The following TMTC2 variants were observed in gnomAD, a reference collection of about 807,000 sequenced individuals.
TMTC2 encodes transmembrane O-mannosyltransferase targeting cadherins 2.
Under a neutral mutation model 82.4 loss-of-function variants are expected in TMTC2, and 43 were observed. The ratio of observed to expected loss-of-function variants is 0.52; its 90% CI spans 0.41 to 0.67. The LOEUF (loss-of-function observed/expected upper bound fraction) is 0.67. TMTC2 is among the 30% of genes least tolerant of loss of function. The pLI, the probability that TMTC2 is intolerant of heterozygous loss-of-function variation, is 0.00. For missense variants in TMTC2, 919 were observed against 1,012.4 expected (o/e 0.91, Z 1.25); for synonymous variants, 408 against 381.9 (o/e 1.07, Z -0.80).
intron 9 of TMTC2, among the ~76,000 whole-genome samples, chr12:83,044,922 T>G (rs1882033282): frequency 6.6e-6 from 1 of 152,246 alleles, no homozygotes; most frequent in African/African-American, 2.4e-5. Context: ...AAGCAGGATT[T>G]GAGCCTATGG....
chr12:82,905,561 A>T lies in TMTC2; in HGVS notation c.1483+8915A>T, dbSNP rs60555266. 5.4e-3 allele frequency among the ~76,000 whole-genome samples: 823 copies of T among 152,354 alleles called. 7 individuals carry two copies. The highest frequency in any genetic ancestry group is 0.019 in the African/African-American group (772 of 41,584). ...ATACAAAAGATATATGTAAAATTTCATACATATTTGGAACTTTCAAGGTGA... is the reference window on the plus strand; with the variant it reads ...ATACAAAAGATATATGTAAAATTTCTTACATATTTGGAACTTTCAAGGTGA... On this transcript the variant is annotated intron_variant, in intron 3 of 11. Transcript: ENST00000321196.
At chr12:82,935,782 G>A (rs974221479) in intron 4 of TMTC2, among the ~76,000 whole-genome samples, 2 of 152,080 alleles carry the variant, frequency 1.3e-5, no homozygotes, top group Non-Finnish European at 2.9e-5. Context: ...AATTATGTCT[G>A]TTGATGATAG....
intron 1 of TMTC2, among the ~76,000 whole-genome samples, chr12:82,744,121 T>A (rs1296737546): frequency 1.3e-5 from 2 of 152,084 alleles, no homozygotes; most frequent in Non-Finnish European, 2.9e-5. Context: ...CTCTAAAATA[T>A]ATATTTTTAA....
chr12:82,759,559 G>A (rs1476753439), intron 1 of TMTC2: 2 of 152,170 alleles, frequency 1.3e-5, no homozygotes, highest in Non-Finnish European at 2.9e-5. Flanking sequence ...CATAAGCACT[G>A]AGTTGTAGCT....
intron 1 of TMTC2, among the ~76,000 whole-genome samples, chr12:82,838,503 C>T (rs1428595457): frequency 6.6e-6 from 1 of 152,200 alleles, no homozygotes; most frequent in African/African-American, 2.4e-5. Flanking sequence ...TGTGCTAACA[C>T]TGCATCTGTT....
intron 9 of TMTC2, among the ~76,000 whole-genome samples, chr12:83,050,149 T>A (rs891359319): frequency 3.3e-5 from 5 of 152,196 alleles, no homozygotes; most frequent in African/African-American, 9.6e-5. Context: ...ATGTTTGTCA[T>A]CCTTTAATTT....
At chr12:82,799,552 A>T (rs1352694815) in intron 1 of TMTC2, among the ~76,000 whole-genome samples, 1 of 152,148 alleles carries the variant, frequency 6.6e-6, no homozygotes, top group Non-Finnish European at 1.5e-5. Flanking sequence ...TGGAGGCTAG[A>T]CATCTGAGAT....
chr12:82,986,302 A>G (rs111633748), intron 8 of TMTC2: 282 of 416,854 alleles, frequency 6.8e-4, no homozygotes, highest in African/African-American at 5.0e-3. Flanking sequence ...TGTATCTTAC[A>G]TCTTGGTCTA....
intron 1 of TMTC2, among the ~76,000 whole-genome samples, chr12:82,813,119 A>G (rs910273443): frequency 6.6e-6 from 1 of 152,036 alleles, no homozygotes; most frequent in African/African-American, 2.4e-5. Flanking sequence ...TTTCTTTTAA[A>G]ATGTGTGAAC....
At chr12:83,049,671 T>C (rs1297707224) in intron 9 of TMTC2, among the ~76,000 whole-genome samples, 1 of 152,338 alleles carries the variant, frequency 6.6e-6, no homozygotes, top group East Asian at 1.9e-4. Context: ...ATTTCGCGTA[T>C]GTACACAATA....
intron 1 of TMTC2, among the ~76,000 whole-genome samples, chr12:82,813,183 C>G (rs1228278106): frequency 2.0e-5 from 3 of 152,108 alleles, no homozygotes; most frequent in African/African-American, 7.2e-5. Context: ...TCTAGCATCT[C>G]TGGCAGATAC....
In TMTC2 at chr12:82,857,147, G is replaced by T. The variant is rs1302714426; in HGVS notation, c.221G>T (p.Arg74Leu). Reference sequence around the variant, plus strand: ...CGGCCACTCTGCACTCTTTCTTTTCGCCTGAACCATGCCATTGGAGGGTTG... The same window carrying T: ...CGGCCACTCTGCACTCTTTCTTTTCTCCTGAACCATGCCATTGGAGGGTTG... ...SYRPLCTLSF[R>L]LNHAIGGLNP... Residue 74 changes from arginine to leucine, a missense_variant, in exon 2 of 12, where the codon CGC becomes CTC. Physicochemically the swap from Arg to Leu is moderately radical, Grantham distance 102. Coordinates refer to ENST00000321196, the MANE Select transcript of TMTC2 (RefSeq NM_152588.3). 6.2e-7 allele frequency: 1 copy of T among 1,613,988 alleles called. No individual in the cohort carries two copies. Among genetic ancestry groups the T allele is most frequent in the Non-Finnish European group, 8.5e-7 (1 of 1,180,010 alleles).
chr12:82,771,460 G>T (rs558405308), intron 1 of TMTC2, among the ~76,000 whole-genome samples: 37 of 152,248 alleles, frequency 2.4e-4, no homozygotes, highest in African/African-American at 8.7e-4. Context: ...TCAGCAGGAA[G>T]TAGATAATGC....
intron 10 of TMTC2, among the ~76,000 whole-genome samples, chr12:83,057,332 T>C (rs1180401888): frequency 6.6e-6 from 1 of 151,946 alleles, no homozygotes; most frequent in Non-Finnish European, 1.5e-5. Flanking sequence ...TTCTTCTTAT[T>C]GCTACACTTT....
At chr12:82,943,291 A>C (rs1876822032) in intron 4 of TMTC2, among the ~76,000 whole-genome samples, 1 of 152,208 alleles carries the variant, frequency 6.6e-6, no homozygotes, top group Non-Finnish European at 1.5e-5. Context: ...TAAATTTATA[A>C]TGACATTCAT....
intron 1 of TMTC2, among the ~76,000 whole-genome samples, chr12:82,695,832 G>T (rs1269805985): frequency 6.6e-6 from 1 of 152,214 alleles, no homozygotes; most frequent in African/African-American, 2.4e-5. Context: ...CGAAGAAGGG[G>T]TTCTCAAAGT....
intron 1 of TMTC2, among the ~76,000 whole-genome samples, 169 bp downstream of exon 1, chr12:82,687,838 G>A (rs1042549547): frequency 1.3e-5 from 2 of 151,942 alleles, no homozygotes; most frequent in African/African-American, 4.8e-5. Context: ...GGGGACGTGA[G>A]GCGCGCTGGG....
chr12:82,894,103 G>T (rs1565796630), intron 2 of TMTC2, among the ~76,000 whole-genome samples: 1 of 152,158 alleles, frequency 6.6e-6, no homozygotes, highest in Non-Finnish European at 1.5e-5. Flanking sequence ...GATTGGAGGA[G>T]GAACTGTTTT....
At chr12:82,809,079 A>G (rs1428729353) in intron 1 of TMTC2, among the ~76,000 whole-genome samples, 1 of 148,804 alleles carries the variant, frequency 6.7e-6, no homozygotes, top group Admixed American at 6.7e-5. Context: ...GAAATTATTT[A>G]TATAATTTAT....
Sources: gnomAD v4.1 joint callset for allele counts (sites outside exome capture counted in the v4.1 genomes callset) on GRCh38, gnomAD v4.1.1 for gene constraint, MANE v1.5 for transcripts, NCBI Gene and HGNC (gene_info 2026-07-23, HGNC 2026-07-21) for gene names.